The following ADGRB3 variants were observed in gnomAD, a reference collection of about 807,000 sequenced individuals.
ADGRB3 encodes adhesion G protein-coupled receptor B3.
In ADGRB3, 37 loss-of-function variants were observed where a neutral mutation model predicts 193.4. The ratio of observed to expected loss-of-function variants is 0.19; its 90% confidence interval spans 0.15 to 0.25. The LOEUF (loss-of-function observed/expected upper bound fraction) is 0.25. ADGRB3 is among the 10% of genes least tolerant of loss of function. ADGRB3 has a pLI of 1.00. For missense variants in ADGRB3, 1,637 were observed against 1,852.9 expected (o/e 0.88, Z 2.14); for synonymous variants, 690 against 644.2 (o/e 1.07, Z -1.08).
intron 17 of ADGRB3, among the ~76,000 whole-genome samples, chr6:69,118,670 A>G (rs1271167674): frequency 6.6e-6 from 1 of 151,796 alleles, no homozygotes; most frequent in Admixed American, 6.6e-5. Flanking sequence ...ATTCGATGTT[A>G]AGGGAGTCAG....
chr6:69,092,499 A>G (rs1004261661), intron 17 of ADGRB3, among the ~76,000 whole-genome samples: 6 of 152,172 alleles, frequency 3.9e-5, no homozygotes, highest in Admixed American at 6.5e-5. Context: ...CTCTGCACAC[A>G]GAAAGTTATC....
At chr6:68,753,351 T>A (rs1431248281) in intron 3 of ADGRB3, among the ~76,000 whole-genome samples, 1 of 152,182 alleles carries the variant, frequency 6.6e-6, no homozygotes, top group East Asian at 1.9e-4. Flanking sequence ...TATCTAAGTC[T>A]CTTGGGTGTC....
chr6:68,765,643 G>T (rs1766495421), intron 3 of ADGRB3, among the ~76,000 whole-genome samples: 1 of 151,562 alleles, frequency 6.6e-6, no homozygotes, highest in African/African-American at 2.4e-5. Flanking sequence ...CCCTGCAAGG[G>T]TCTTGTCTTA....
rs779463872 is a variant in ADGRB3, at chr6:69,355,870, T to C, written c.3595+10T>C. 1.9e-6 allele frequency: 3 copies of C among 1,596,964 alleles called. No homozygotes were observed. The highest frequency in any genetic ancestry group is 2.6e-6 in the Non-Finnish European group (3 of 1,165,952). ...ATTGCCTGTCGATCAGGTAAGAATA[T>C]TTAGATTTTGAAATCTAATCAGTAG... On this transcript the variant is annotated intron_variant, in intron 28 of 31. Transcript: ENST00000370598.
intron 8 of ADGRB3, among the ~76,000 whole-genome samples, chr6:68,961,384 C>T (rs1294065667): frequency 1.3e-5 from 2 of 152,126 alleles, no homozygotes; most frequent in African/African-American, 4.8e-5. Context: ...TCTTCCTGAG[C>T]AGTATATTTT....
At chr6:69,236,017 T>A (rs1172909002) in intron 19 of ADGRB3, among the ~76,000 whole-genome samples, 1 of 151,918 alleles carries the variant, frequency 6.6e-6, no homozygotes, top group Non-Finnish European at 1.5e-5. Context: ...TTTCAGAATG[T>A]TTGTAATATT....
At chr6:69,263,818 T>C (rs1766977893) in intron 20 of ADGRB3, among the ~76,000 whole-genome samples, 1 of 152,018 alleles carries the variant, frequency 6.6e-6, no homozygotes, top group African/African-American at 2.4e-5. Context: ...CCTCTCATTT[T>C]ACAAATGAAG....
chr6:69,049,223 T>A, intron 14 of ADGRB3, 48 bp from the exon 15 acceptor site: 2 of 1,334,028 alleles, frequency 1.5e-6, no homozygotes, highest in Non-Finnish European at 2.1e-6. Context: ...TTATAAGACA[T>A]AGTATTTTCT....
At chr6:69,136,720 GAAACTTCTTTA>G (rs1250730089) in intron 17 of ADGRB3, among the ~76,000 whole-genome samples, 4 of 150,520 alleles carry the variant, frequency 2.7e-5, no homozygotes, top group African/African-American at 4.9e-5. Flanking sequence ...CCTTTGCTTT[GAAACTTCTTTA>G]TTTCCTTTAG....
intron 29 of ADGRB3, among the ~76,000 whole-genome samples, chr6:69,364,714 C>T (rs1769532230): frequency 6.6e-6 from 1 of 151,982 alleles, no homozygotes. Context: ...ATGGCTCCAG[C>T]CCTAAATATC....
At chr6:68,906,748 T>C (rs1322615186) in intron 3 of ADGRB3, among the ~76,000 whole-genome samples, 1 of 152,008 alleles carries the variant, frequency 6.6e-6, no homozygotes, top group Non-Finnish European at 1.5e-5. Context: ...TTAGTTATTG[T>C]TATAGGTTTG....
At chr6:69,017,832 T>C (rs1393411699) in intron 12 of ADGRB3, among the ~76,000 whole-genome samples, 3 of 151,970 alleles carry the variant, frequency 2.0e-5, no homozygotes, top group Non-Finnish European at 4.4e-5. Flanking sequence ...TATTTGTACA[T>C]GTAAAGCACA....
chr6:68,957,870 A>G (rs1221932587), intron 8 of ADGRB3, among the ~76,000 whole-genome samples: 1 of 152,136 alleles, frequency 6.6e-6, no homozygotes, highest in East Asian at 1.9e-4. Flanking sequence ...TAAGAGTAAC[A>G]ATATGTCAGT....
intron 20 of ADGRB3, among the ~76,000 whole-genome samples, chr6:69,319,421 G>GT (rs1357068891): frequency 6.6e-6 from 1 of 150,988 alleles, no homozygotes; most frequent in Non-Finnish European, 1.5e-5. Flanking sequence ...GACATGCTCT[G>GT]TTTTTTTATG....
Position 68,923,786 on chromosome 6 carries a change from T to C in ADGRB3, c.758-6773T>C, listed in dbSNP as rs79033670. On this transcript the variant is annotated intron_variant, in intron 3 of 31. Transcript: ENST00000370598. ...AGACAGAGTGTGCATGTCAGAAAGT[T>C]TGGCAGAAAAGCAACCAAGCCATGT... Among the ~76,000 whole-genome samples the C allele has an allele frequency of 2.9e-4, 44 of 152,150 alleles. No homozygotes were observed. In the East Asian group the frequency reaches 7.9e-3, roughly 27 times the overall value.
At chr6:69,375,362 C>A (rs1363157232) in intron 30 of ADGRB3, among the ~76,000 whole-genome samples, 1 of 151,944 alleles carries the variant, frequency 6.6e-6, no homozygotes, top group Admixed American at 6.6e-5. Flanking sequence ...TAATGAAAGT[C>A]CACTTCCTGG....
At chr6:69,277,184 G>A (rs954823663) in intron 20 of ADGRB3, among the ~76,000 whole-genome samples, 10 of 151,736 alleles carry the variant, frequency 6.6e-5, no homozygotes, top group Non-Finnish European at 8.8e-5. Context: ...TAGTACAGAC[G>A]GAGTTTCAAC....
intron 20 of ADGRB3, among the ~76,000 whole-genome samples, chr6:69,312,302 GTT>G (rs1266038725): frequency 2.0e-5 from 3 of 151,790 alleles, no homozygotes; most frequent in Non-Finnish European, 4.4e-5. Flanking sequence ...GAATGATAAT[GTT>G]CTTTCACTGA....
chr6:68,645,733 C>A (rs992932632), intron 3 of ADGRB3, among the ~76,000 whole-genome samples: 1 of 152,094 alleles, frequency 6.6e-6, no homozygotes, highest in Non-Finnish European at 1.5e-5. Flanking sequence ...AGTGCCATGG[C>A]GTGATCTAGG....
Sources: gnomAD v4.1 joint callset for allele counts (sites outside exome capture counted in the v4.1 genomes callset) on GRCh38, gnomAD v4.1.1 for gene constraint, MANE v1.5 for transcripts, NCBI Gene and HGNC (gene_info 2026-07-23, HGNC 2026-07-21) for gene names.